Variants in PDE6A observed in about 807,000 individuals in gnomAD.
PDE6A encodes the protein rod cGMP-specific 3',5'-cyclic phosphodiesterase subunit alpha.
A neutral mutation model predicts 106.3 loss-of-function variants in PDE6A; 84 were observed. That is an observed-to-expected ratio of 0.79 (90% confidence interval 0.66 to 0.95). The LOEUF (loss-of-function observed/expected upper bound fraction) is 0.95. PDE6A is among the 40% of genes least tolerant of loss of function. The probability of loss-of-function intolerance (pLI) is 0.00; values close to 1 mark genes in which losing one functional copy is unlikely to be tolerated. For synonymous variants in PDE6A, 394 were observed against 386.6 expected, an observed-to-expected ratio of 1.02 and a Z score of -0.23; for missense variants, 1,052 against 1,084.9, an observed-to-expected ratio of 0.97 and a Z score of 0.43.
Position 149,944,473 on chromosome 5 carries a change from G to A in PDE6A, c.201C>T (p.Asp67=), listed in dbSNP as rs1314069779. The change falls in exon 1 of 22, where the codon GAC becomes GAT. Residue 67 remains aspartate, a synonymous_variant. Transcript: ENST00000255266. The part of the protein sequence containing the change: ...ESEIIFDLLR[D]FQENLQTEKC... ...TCTCTGTCTGTAAATTCTCCTGAAA[G>A]TCCCGCAGGAGATCAAAGATGATTT... The A allele has an allele frequency of 1.2e-6, 2 of 1,614,134 alleles. No individual in the cohort carries two copies. Among genetic ancestry groups the A allele is most frequent in the Admixed American group, 1.7e-5 (1 of 60,014 alleles).
At chr5:149,926,583 TC>T (rs1382887190) in intron 4 of PDE6A, among the ~76,000 whole-genome samples, 1 of 152,208 alleles carries the variant, frequency 6.6e-6, no homozygotes, top group Non-Finnish European at 1.5e-5. Flanking sequence ...AGGAAAGATT[TC>T]CTCATTACAG....
intron 21 of PDE6A, among the ~76,000 whole-genome samples, chr5:149,861,951 G>C (rs1256175261): frequency 6.6e-6 from 1 of 152,172 alleles, no homozygotes; most frequent in African/African-American, 2.4e-5. Context: ...ATACACATCT[G>C]TGATGTACAG....
intron 4 of PDE6A, among the ~76,000 whole-genome samples, chr5:149,926,617 G>T (rs1753871321): frequency 6.6e-6 from 1 of 152,078 alleles, no homozygotes; most frequent in African/African-American, 2.4e-5. Context: ...TGACTATAAA[G>T]GAAAAGATTG....
chr5:149,895,127 G>C, intron 13 of PDE6A, 56 bp downstream of exon 13: 1 of 979,604 alleles, frequency 1.0e-6, no homozygotes, highest in Non-Finnish European at 1.7e-6. Flanking sequence ...GAGTCTGCAT[G>C]AGATTGTCTA....
Position 149,899,374 on chromosome 5 carries a change from C to A in PDE6A, c.1263+1G>T, listed in dbSNP as rs369896113. The A allele has an allele frequency of 8.7e-6, 14 of 1,614,032 alleles. No individual in the cohort carries two copies. The African/African-American group carries it at 1.3e-4, about 15-fold the overall frequency. Reference sequence around the variant, plus strand: ...GCAAAAGGCCTCCTAGCAAGCCATACCTCCATGAGCGTCTCATCCATTTCA... The same window carrying A: ...GCAAAAGGCCTCCTAGCAAGCCATAACTCCATGAGCGTCTCATCCATTTCA... On this transcript the variant is annotated splice_donor_variant, in intron 9 of 21. Coordinates refer to ENST00000255266, the MANE Select transcript of PDE6A (RefSeq NM_000440.3). LOFTEE classifies it high-confidence loss of function.
intron 20 of PDE6A, among the ~76,000 whole-genome samples, chr5:149,865,295 A>G (rs1760289170): frequency 6.6e-6 from 1 of 151,030 alleles, no homozygotes; most frequent in Non-Finnish European, 1.5e-5. Context: ...CTGTGGTCCC[A>G]GCTACTCAGA....
chr5:149,911,341 C>G (rs1284352040), intron 6 of PDE6A, among the ~76,000 whole-genome samples: 1 of 152,224 alleles, frequency 6.6e-6, no homozygotes, highest in South Asian at 2.1e-4. Context: ...TTAAAATGAC[C>G]AATCTGCTTT....
At chr5:149,930,541 T>C (rs976318010) in intron 4 of PDE6A, among the ~76,000 whole-genome samples, 4 of 152,238 alleles carry the variant, frequency 2.6e-5, no homozygotes, top group Admixed American at 2.0e-4. Flanking sequence ...CTCTGCCTCC[T>C]TAGCTGCTGT....
At chr5:149,866,453 C>A in intron 19 of PDE6A, 200 bp from the exon 20 acceptor site, 1 of 543,234 alleles carries the variant, frequency 1.8e-6, no homozygotes, top group Non-Finnish European at 3.3e-6. Flanking sequence ...ATGTGGGAAA[C>A]TGCACAAAAA....
At chr5:149,875,521 G>T (rs1262922256) in intron 17 of PDE6A, among the ~76,000 whole-genome samples, 1 of 142,826 alleles carries the variant, frequency 7.0e-6, no homozygotes, top group Non-Finnish European at 1.5e-5. Flanking sequence ...GAGGAGCCTC[G>T]CTCTGTCACC....
chr5:149,878,269 T>C (rs1423385821), intron 17 of PDE6A, among the ~76,000 whole-genome samples: 2 of 152,094 alleles, frequency 1.3e-5, no homozygotes, highest in African/African-American at 4.8e-5. Flanking sequence ...AAGGTCACCT[T>C]GACTTTGACA....
rs1483694313 is a variant in PDE6A at position 149,884,773 on chromosome 5, A to C, written c.1926+7T>G. The C allele has an allele frequency of 1.9e-6, 3 of 1,613,334 alleles. No homozygotes were observed. Among genetic ancestry groups the C allele is most frequent in the Non-Finnish European group, 2.5e-6 (3 of 1,179,322 alleles). ...CGCGGCCTGTAGACCCTTGGCCCTCATCCTACCTCGTCTCTGAGCAGTGTT... is the reference window on the plus strand; with the variant it reads ...CGCGGCCTGTAGACCCTTGGCCCTCCTCCTACCTCGTCTCTGAGCAGTGTT... On this transcript the variant is annotated splice_region_variant and intron_variant, in intron 15 of 21. Coordinates refer to ENST00000255266, the MANE Select transcript of PDE6A (RefSeq NM_000440.3).
chr5:149,937,068 G>C (rs1754204878), intron 1 of PDE6A, among the ~76,000 whole-genome samples: 1 of 152,220 alleles, frequency 6.6e-6, no homozygotes, highest in Non-Finnish European at 1.5e-5. Context: ...ACTGGATGGT[G>C]CTGTAGAGAG....
In PDE6A at chr5:149,867,697, A is replaced by G. The variant is rs1057137411; in HGVS notation, c.2274+28T>C. 1.1e-5 allele frequency: 18 copies of G among 1,602,788 alleles called. No individual in the cohort carries two copies. In the East Asian group the frequency reaches 2.2e-4, roughly 20 times the overall value. On this transcript the variant is annotated intron_variant, in intron 19 of 21. Coordinates refer to ENST00000255266, the MANE Select transcript of PDE6A (RefSeq NM_000440.3). ...TCAGGATGGAGCACACACACCTAAC[A>G]TCAGGCTGACATCCCCTGTCTACTC...
chr5:149,869,783 AGAGCTGGT>A (rs1028558594), intron 17 of PDE6A, among the ~76,000 whole-genome samples: 8 of 152,178 alleles, frequency 5.3e-5, no homozygotes, highest in African/African-American at 1.7e-4. Context: ...GGAGGGCAGG[AGAGCTGGT>A]CTGCAGCAAC....
intron 19 of PDE6A, 68 bp downstream of exon 19, chr5:149,867,657 G>A (rs1760379899): frequency 3.8e-6 from 5 of 1,314,428 alleles, no homozygotes; most frequent in South Asian, 2.4e-5. Context: ...CCATCATGGC[G>A]AGGTCATATC....
intron 18 of PDE6A, 76 bp downstream of exon 18, chr5:149,868,019 G>A: frequency 7.1e-7 from 1 of 1,416,972 alleles, no homozygotes. Context: ...GAGCTGGGCT[G>A]AGAGAGTCCA....
In PDE6A at chr5:149,884,406, A is replaced by ATG. The variant is rs1389686641; in HGVS notation, c.2027+71_2027+72dup. ...TATATATGTGTATATATGTATATAT[A>ATG]TGTGTGTATATATATATATGCATAC... is the stretch of plus-strand genomic sequence containing the variant. On this transcript the variant is annotated intron_variant, in intron 16 of 21. Coordinates refer to ENST00000255266, the MANE Select transcript of PDE6A (RefSeq NM_000440.3). The ATG allele has an allele frequency of 1.1e-4, 98 of 866,406 alleles. No homozygotes were observed. In the African/African-American group the frequency reaches 1.5e-3, roughly 13 times the overall value. The allele number at this position is 866,406 out of a possible 1,614,324, so 53.7% of individuals were successfully genotyped here. A position where few individuals can be genotyped will look rare whatever the true frequency, so the allele number is the denominator to read the frequency against.
intron 5 of PDE6A, 25 bp from the exon 6 acceptor site, chr5:149,915,032 C>CT (rs60750624): frequency 0.1 from 79,391 of 775,410 alleles, 1,990 homozygotes; most frequent in East Asian, 0.19. Context: ...AAAAATTATA[C>CT]TTTTTTTTTT....
Sources: allele counts gnomAD v4.1 joint callset (sites outside exome capture counted in the v4.1 genomes callset), GRCh38; gene constraint gnomAD v4.1.1; transcripts MANE v1.5; gene names NCBI Gene and HGNC (gene_info 2026-07-23, HGNC 2026-07-21).